SPMAP2L: variants seen among roughly 807,000 people sequenced by gnomAD.
SPMAP2L encodes the protein sperm microtubule associated protein 2 like.
the SPMAP2L span, among the ~76,000 whole-genome samples, chr4:56,567,568 T>G: frequency 6.6e-6 from 1 of 150,728 alleles, no homozygotes; most frequent in Non-Finnish European, 1.5e-5. Context: ...GGATTACAGA[T>G]GTAAGCCACC....
At chr4:56,575,501 G>T in the SPMAP2L span, 5 of 1,534,212 alleles carry the variant, frequency 3.3e-6, no homozygotes, top group East Asian at 4.9e-5. Flanking sequence ...TCTACAACTT[G>T]CAGGGCTCAA....
the SPMAP2L span, among the ~76,000 whole-genome samples, chr4:56,556,555 A>T: frequency 6.6e-6 from 1 of 152,108 alleles, no homozygotes; most frequent in Non-Finnish European, 1.5e-5. Context: ...CTCATTTGGG[A>T]TTTGCCAGTA....
the SPMAP2L span, among the ~76,000 whole-genome samples, chr4:56,543,222 T>C: frequency 6.6e-6 from 1 of 151,710 alleles, no homozygotes; most frequent in African/African-American, 2.4e-5. Flanking sequence ...TAGCTGGGAC[T>C]ACAGGCGCCC....
At chr4:56,584,677 T>C in the SPMAP2L span, 1 of 1,086,564 alleles carries the variant, frequency 9.2e-7, no homozygotes, top group South Asian at 1.4e-5. Flanking sequence ...ACCCTCTTTT[T>C]CTAGATGTGT....
chr4:56,597,875 T>A, the SPMAP2L span, among the ~76,000 whole-genome samples: 1 of 152,152 alleles, frequency 6.6e-6, no homozygotes, highest in Non-Finnish European at 1.5e-5. Flanking sequence ...GGTGGTGTTT[T>A]TTTTTTAGAC....
chr4:56,593,988 G>C, the SPMAP2L span: 6 of 1,610,304 alleles, frequency 3.7e-6, no homozygotes, highest in Non-Finnish European at 5.1e-6. Flanking sequence ...CAGTGTGGCT[G>C]CTCAGTGAAG....
chr4:56,549,532 G>A, the SPMAP2L span, among the ~76,000 whole-genome samples: 1 of 152,276 alleles, frequency 6.6e-6, no homozygotes, highest in East Asian at 1.9e-4. Flanking sequence ...GTGTACATGT[G>A]CATATAATGC....
the SPMAP2L span, among the ~76,000 whole-genome samples, chr4:56,597,502 T>G: frequency 6.6e-6 from 1 of 152,144 alleles, no homozygotes; most frequent in Non-Finnish European, 1.5e-5. Flanking sequence ...TTTCACCCTG[T>G]TTCAAGGAAA....
the SPMAP2L span, among the ~76,000 whole-genome samples, chr4:56,608,011 A>G: frequency 6.6e-6 from 1 of 150,748 alleles, no homozygotes; most frequent in Admixed American, 6.6e-5. Flanking sequence ...AAAAAAAAAA[A>G]AAGAAAGAAA....
chr4:56,556,718 A>G, the SPMAP2L span, among the ~76,000 whole-genome samples: 5 of 151,950 alleles, frequency 3.3e-5, no homozygotes, highest in South Asian at 1.0e-3. Flanking sequence ...CTAAAAATAC[A>G]AAAAATTAGC....
the SPMAP2L span, among the ~76,000 whole-genome samples, chr4:56,532,354 C>T: frequency 6.7e-6 from 1 of 149,222 alleles, no homozygotes; most frequent in Admixed American, 6.8e-5. Context: ...TCTCATATTT[C>T]AGGGAAGAAT....
At chr4:56,594,514 C>A in the SPMAP2L span, 1 of 1,607,734 alleles carries the variant, frequency 6.2e-7, no homozygotes. Context: ...ACAGGGGAGC[C>A]CAGGGAGAAT....
chr4:56,550,792 A>T, the SPMAP2L span, among the ~76,000 whole-genome samples: 2 of 152,120 alleles, frequency 1.3e-5, no homozygotes, highest in East Asian at 1.9e-4. Context: ...ATCCTTTAAA[A>T]AGTTCGTTTT....
the SPMAP2L span, among the ~76,000 whole-genome samples, chr4:56,625,059 G>A: frequency 2.0e-5 from 3 of 152,334 alleles, no homozygotes; most frequent in African/African-American, 7.2e-5. Context: ...CAGGGGTACA[G>A]CTGCTCAAGA....
the SPMAP2L span, chr4:56,595,502 C>T: frequency 6.4e-7 from 1 of 1,552,474 alleles, no homozygotes; most frequent in Non-Finnish European, 8.9e-7. Context: ...AAGATGTCTC[C>T]ACACTCCCTG....
the SPMAP2L span, among the ~76,000 whole-genome samples, chr4:56,604,376 G>A: frequency 3.3e-5 from 5 of 152,242 alleles, no homozygotes; most frequent in African/African-American, 1.2e-4. Context: ...AAATTTAGCT[G>A]TGGCTAGGCA....
At chr4:56,616,413 C>T in the SPMAP2L span, among the ~76,000 whole-genome samples, 5 of 152,322 alleles carry the variant, frequency 3.3e-5, no homozygotes, top group Admixed American at 3.3e-4. Flanking sequence ...GACTTCAACA[C>T]ATGAATTTTG....
the SPMAP2L span, among the ~76,000 whole-genome samples, chr4:56,537,727 G>C: frequency 6.7e-5 from 10 of 150,302 alleles, no homozygotes; most frequent in Non-Finnish European, 1.2e-4. Flanking sequence ...GTCTCGCTCT[G>C]TCGCCCAGGC....
the SPMAP2L span, among the ~76,000 whole-genome samples, chr4:56,583,249 G>T: frequency 6.6e-6 from 1 of 151,762 alleles, no homozygotes; most frequent in East Asian, 1.9e-4. Flanking sequence ...ACTCCAGCCT[G>T]GGTGACAGAG....
Sources: allele counts gnomAD v4.1 joint callset (sites outside exome capture counted in the v4.1 genomes callset), GRCh38; gene constraint gnomAD v4.1.1; transcripts MANE v1.5; gene names NCBI Gene and HGNC (gene_info 2026-07-23, HGNC 2026-07-21).